NOTCH1: variants seen among roughly 807,000 people sequenced by gnomAD.
The protein encoded by NOTCH1 is neurogenic locus notch homolog protein 1.
A neutral mutation model predicts 254.8 loss-of-function variants in NOTCH1; 37 were observed. The observed-to-expected ratio is 0.15, with a 90% confidence interval of 0.11 to 0.19. The LOEUF (loss-of-function observed/expected upper bound fraction) is 0.19, where lower values mean the gene tolerates loss of function less well. Among genes scored for constraint, NOTCH1 ranks in the 10% least tolerant of loss-of-function variants. The probability of loss-of-function intolerance (pLI) is 1.00; values close to 1 mark genes in which losing one functional copy is unlikely to be tolerated. For missense variants in NOTCH1, 2,972 were observed against 3,708.6 expected, an observed-to-expected ratio of 0.80 and a Z score of 5.16; for synonymous variants, 1,731 against 1,618.1, an observed-to-expected ratio of 1.07 and a Z score of -1.68.
In NOTCH1 at chr9:136,510,935, C is replaced by T. The variant is rs1190840979; in HGVS notation, c.2588-130G>A. ...GGCTTCCGTGACCCCAGGACCATCC[C>T]CTCTCCCCTAATTTTGGCCTAAGAA... On this transcript the variant is annotated intron_variant, in intron 16 of 33. Transcript: ENST00000651671. 2.1e-6 allele frequency: 3 copies of T among 1,408,564 alleles called. No individual in the cohort carries two copies. The African/African-American group carries it at 4.3e-5, about 20-fold the overall frequency. 87.3% of individuals were successfully genotyped at this position (1,408,564 alleles called of 1,614,324 possible).
At chr9:136,523,625 G>C (rs1024378264) in intron 3 of NOTCH1, 92 bp downstream of exon 3, 1 of 1,493,358 alleles carries the variant, frequency 6.7e-7, no homozygotes, top group Non-Finnish European at 9.1e-7. Flanking sequence ...TCAGAGACCC[G>C]GGCCTGGATC....
chr9:136,502,558 G>T (rs1175608800), intron 27 of NOTCH1, 70 bp from the exon 28 acceptor site: 21 of 1,032,510 alleles, frequency 2.0e-5, no homozygotes, highest in Non-Finnish European at 2.7e-5. Flanking sequence ...CTGGTGGCCG[G>T]GGGGCGGCGG....
chr9:136,502,580 G>A (rs555782986), intron 27 of NOTCH1, 92 bp from the exon 28 acceptor site: 107 of 756,416 alleles, frequency 1.4e-4, no homozygotes, highest in Middle Eastern at 1.2e-3. Flanking sequence ...CTGGCTCCGC[G>A]TCCGGGCGCC....
At chr9:136,503,151 G>A in intron 27 of NOTCH1, 31 bp downstream of exon 27, 1 of 1,612,336 alleles carries the variant, frequency 6.2e-7, no homozygotes, top group Non-Finnish European at 8.5e-7. Context: ...CCTGCAGGCA[G>A]AGCCTGTTCC....
chr9:136,545,884 G>A lies in NOTCH1; in HGVS notation c.-98C>T, dbSNP rs1843808878. 2 of 553,342 alleles carry A rather than the reference G, an allele frequency of 3.6e-6. No individual in the cohort carries two copies. Among genetic ancestry groups the A allele is most frequent in the African/African-American group, 4.1e-5 (2 of 49,246 alleles). 34.3% of individuals were successfully genotyped at this position (553,342 alleles called of 1,614,324 possible). A position where few individuals can be genotyped will look rare whatever the true frequency, so the allele number is the denominator to read the frequency against. ...GCGCGGCGTACGGTCCCGGGGCGGC[G>A]GCGGACGGTCCCGCCCTCTCTTCCC... is the stretch of plus-strand genomic sequence containing the variant. On this transcript the variant is annotated 5_prime_UTR_variant, in exon 1 of 34. Coordinates refer to ENST00000651671, the MANE Select transcript of NOTCH1 (RefSeq NM_017617.5). This position sits in a 1 kb window ranked among gnomAD's most constrained non-coding sequence, Gnocchi z 6.8.
chr9:136,501,981 C>G lies in NOTCH1; in HGVS notation c.5472+20G>C, dbSNP rs780820859. The G allele has an allele frequency of 3.7e-6, 6 of 1,612,216 alleles. No individual in the cohort carries two copies. In the East Asian group the frequency reaches 1.1e-4, roughly 30 times the overall value. ...AGCAGGTGCCCGGGAGCCCAGGAGC[C>G]CGGGAGCCTCGCGACTCACCCGGAA... On this transcript the variant is annotated intron_variant, in intron 29 of 33. Transcript: ENST00000651671.
chr9:136,534,191 G>A (rs1020896727), intron 2 of NOTCH1, among the ~76,000 whole-genome samples: 3 of 152,220 alleles, frequency 2.0e-5, no homozygotes, highest in Non-Finnish European at 4.4e-5. Flanking sequence ...ACTCCACACA[G>A]GACCTGCCTC....
Position 136,506,032 on chromosome 9 carries a change from A to C in NOTCH1, c.4015-151T>G. The C allele has an allele frequency of 1.5e-6, 1 of 673,532 alleles. No homozygotes were observed. The highest frequency in any genetic ancestry group is 2.5e-6 in the Non-Finnish European group (1 of 402,552). 41.7% of individuals were successfully genotyped at this position (673,532 alleles called of 1,614,324 possible). A position where few individuals can be genotyped will look rare whatever the true frequency, so the allele number is the denominator to read the frequency against. ...TGCCCCCAGCAGCAAAACCCTTTAC[A>C]CACATTCTACCAACAGAGAAAGATC... On this transcript the variant is annotated intron_variant, in intron 24 of 33. Coordinates refer to ENST00000651671, the MANE Select transcript of NOTCH1 (RefSeq NM_017617.5). This position sits in a 1 kb window ranked among gnomAD's most constrained non-coding sequence, Gnocchi z 4.5.
chr9:136,537,183 C>T (rs900391586), intron 2 of NOTCH1, among the ~76,000 whole-genome samples: 2 of 152,230 alleles, frequency 1.3e-5, no homozygotes, highest in African/African-American at 4.8e-5. Context: ...ACCCCGGACG[C>T]CCTCCCAACA....
At chr9:136,527,089 G>A (rs1456395288) in intron 2 of NOTCH1, among the ~76,000 whole-genome samples, 1 of 152,198 alleles carries the variant, frequency 6.6e-6, no homozygotes, top group African/African-American at 2.4e-5. Flanking sequence ...CAGGTGTGGG[G>A]GTCTGTGTGT....
At chr9:136,519,652 G>A (rs763012091) in intron 4 of NOTCH1, 87 bp from the exon 5 acceptor site, 1 of 1,602,976 alleles carries the variant, frequency 6.2e-7, no homozygotes, top group South Asian at 1.1e-5. Flanking sequence ...CTGGACACAA[G>A]AGCCTGGCCT....
At chr9:136,511,012 C>A in intron 16 of NOTCH1, 140 bp downstream of exon 16, 1 of 1,446,132 alleles carries the variant, frequency 6.9e-7, no homozygotes, top group Non-Finnish European at 9.5e-7. Context: ...TTCCTGATTC[C>A]AGAACTTCTC....
At position 136,510,691 on chromosome 9, in the gene NOTCH1, C is replaced by G; in HGVS notation, c.2702G>C (p.Gly901Ala). 6.2e-7 allele frequency: 1 copy of G among 1,609,950 alleles called. No individual in the cohort carries two copies. The highest frequency in any genetic ancestry group is 8.5e-7 in the Non-Finnish European group (1 of 1,179,708). ...GTCGATGTCGGTCTCGCAGTTGCGCCCACTGTAGCCGGCCTGGCAGTGGCA... is the reference window on the plus strand; with the variant it reads ...GTCGATGTCGGTCTCGCAGTTGCGCGCACTGTAGCCGGCCTGGCAGTGGCA... ...YRCHCQAGYS[G>A]RNCETDIDDC... Residue 901 changes from glycine (G) to alanine (A), a missense_variant, in exon 17 of 34, where the codon GGG becomes GCG. Gly to Ala is a moderately conservative substitution (Grantham distance 60). Coordinates refer to ENST00000651671, the MANE Select transcript of NOTCH1 (RefSeq NM_017617.5).
rs1407585956 is a variant in NOTCH1, at chr9:136,514,669, G to A, written c.2048C>T (p.Ala683Val). ...SMCNINIDEC[A>V]GNPCHNGGTC... Reference sequence around the variant, plus strand: ...GCCCCCGTTGTGGCAGGGGTTGCCCGCACACTCATCGATGTTGATGTTACA... The same window carrying A: ...GCCCCCGTTGTGGCAGGGGTTGCCCACACACTCATCGATGTTGATGTTACA... Residue 683 changes from alanine to valine, a missense_variant, in exon 13 of 34, where the codon GCG becomes GTG. Around this residue, in one of 8 missense-constraint regions of NOTCH1, gnomAD observed 1,343 missense variants for 1,557.0 expected, o/e 0.86. Transcript: ENST00000651671. 9 of 1,612,274 alleles carry A rather than the reference G, an allele frequency of 5.6e-6. No homozygotes were observed. Among genetic ancestry groups the A allele is most frequent in the Admixed American group, 1.7e-5 (1 of 59,950 alleles).
chr9:136,520,338 G>A (rs1226252713), intron 4 of NOTCH1, among the ~76,000 whole-genome samples: 1 of 151,924 alleles, frequency 6.6e-6, no homozygotes, highest in African/African-American at 2.4e-5. Context: ...TTGCCCCACC[G>A]CCACCACCCC....
intron 26 of NOTCH1, among the ~76,000 whole-genome samples, chr9:136,503,856 C>A (rs926971987): frequency 1.3e-5 from 2 of 152,250 alleles, no homozygotes; most frequent in African/African-American, 2.4e-5. Flanking sequence ...GCCAGCAGAA[C>A]TGACAGGCAA....
chr9:136,515,925 CCT>C lies in NOTCH1; in HGVS notation c.1669+54_1669+55del, dbSNP rs1843260328. ...TCCATGACCTTGTCAGTTTCACTGC[CCT>C]GAGTGCCCTGTCCCGTCCCCAGTCC... is the stretch of plus-strand genomic sequence containing the variant. On this transcript the variant is annotated intron_variant, in intron 10 of 33. Transcript: ENST00000651671. The C allele has an allele frequency of 1.1e-5, 16 of 1,422,982 alleles. No individual in the cohort carries two copies. In the Admixed American group the frequency reaches 1.8e-4, roughly 16 times the overall value. The allele number at this position is 1,422,982 out of a possible 1,614,324, so 88.1% of individuals were successfully genotyped here. A position where few individuals can be genotyped will look rare whatever the true frequency, so the allele number is the denominator to read the frequency against.
rs1843721298 is a variant in NOTCH1, at chr9:136,540,743, G to A, written c.140+3281C>T. On this transcript the variant is annotated intron_variant, in intron 2 of 33. Coordinates refer to ENST00000651671, the MANE Select transcript of NOTCH1 (RefSeq NM_017617.5). This position sits in a 1 kb window ranked among gnomAD's most constrained non-coding sequence, Gnocchi z 4.4. The stretch of plus-strand genomic sequence containing the variant: ...CAAAGCTAAAGCGCACCACCCAGCA[G>A]GCAGCTGGACATCCTCCTGGAGGTG... Among the ~76,000 whole-genome samples the A allele has an allele frequency of 6.6e-6, 1 of 152,180 alleles. No individual in the cohort carries two copies. The highest frequency in any genetic ancestry group is 2.4e-5 in the African/African-American group (1 of 41,450).
chr9:136,541,700 C>T (rs1210539508), intron 2 of NOTCH1, among the ~76,000 whole-genome samples: 2 of 152,224 alleles, frequency 1.3e-5, no homozygotes, highest in East Asian at 3.8e-4. Context: ...AGGGAGGGAG[C>T]CCGGGGCCTT....
Sources: gnomAD v4.1 joint callset for allele counts (sites outside exome capture counted in the v4.1 genomes callset) on GRCh38, gnomAD v4.1.1 for gene constraint, gnomAD v4.1.1 regional missense constraint, Gnocchi (gnomAD v3.1) non-coding constraint, MANE v1.5 for transcripts, NCBI Gene and HGNC (gene_info 2026-07-23, HGNC 2026-07-21) for gene names.